RARRES1: variants seen among roughly 807,000 people sequenced by gnomAD.
RARRES1 encodes the protein retinoic acid receptor responder protein 1.
RARRES1 carries 34 observed loss-of-function variants against 30.6 expected under a neutral mutation model. That is an observed-to-expected ratio of 1.11 (90% CI 0.84 to 1.48). The LOEUF (loss-of-function observed/expected upper bound fraction) is 1.48, where lower values mean the gene tolerates loss of function less well. Ranked by LOEUF, RARRES1 falls within the 40% of genes most tolerant of loss-of-function variation. The pLI is 0.00. For missense variants in RARRES1, 373 were observed against 386.5 expected (o/e 0.97, Z 0.29); for synonymous variants, 153 against 155.5 (o/e 0.98, Z 0.12).
intron 1 of RARRES1, among the ~76,000 whole-genome samples, chr3:158,715,534 CAT>C (rs1416168648): frequency 6.6e-6 from 1 of 152,180 alleles, no homozygotes; most frequent in Admixed American, 6.5e-5. Context: ...TAACATTAAA[CAT>C]ATCCACAATA....
chr3:158,704,798 C>T lies in RARRES1; in HGVS notation c.665G>A (p.Arg222Lys). 2 of 1,612,380 alleles carry T rather than the reference C, an allele frequency of 1.2e-6. No homozygotes were observed. Among genetic ancestry groups the T allele is most frequent in the Non-Finnish European group, 1.7e-6 (2 of 1,179,454 alleles). Residue 222 changes from arginine to lysine, a missense_variant, in exon 4 of 6, where the codon AGG becomes AAG. Transcript: ENST00000237696. ...HYYLAQLTSVRQWKTNDDTID... is the reference protein window; with the variant it reads ...HYYLAQLTSVKQWKTNDDTID... ...TTTTCAGGTTTTTCTTACCCACTGC[C>T]TCACACTAGTGAGCTGTGCCAAGTA...
intron 1 of RARRES1, among the ~76,000 whole-genome samples, chr3:158,715,903 T>A (rs1460381878): frequency 6.6e-6 from 1 of 152,174 alleles, no homozygotes; most frequent in Non-Finnish European, 1.5e-5. Flanking sequence ...GGGCTGTGGC[T>A]TGCTGCCTCT....
chr3:158,717,813 A>C (rs1214697965), intron 1 of RARRES1, among the ~76,000 whole-genome samples: 1 of 152,024 alleles, frequency 6.6e-6, no homozygotes, highest in Non-Finnish European at 1.5e-5. Flanking sequence ...CATATGGTGG[A>C]CCAAGTATGC....
intron 4 of RARRES1, among the ~76,000 whole-genome samples, chr3:158,701,795 C>T (rs761352228): frequency 2.0e-5 from 3 of 152,144 alleles, no homozygotes; most frequent in African/African-American, 4.8e-5. Context: ...AGCTGAAATG[C>T]GTGTCAGCCT....
intron 3 of RARRES1, among the ~76,000 whole-genome samples, chr3:158,708,529 C>T (rs1257049067): frequency 6.6e-6 from 1 of 152,126 alleles, no homozygotes; most frequent in Non-Finnish European, 1.5e-5. Context: ...AACTTTCACT[C>T]ATAAAAAACA....
At chr3:158,727,799 T>A (rs928790995) in intron 1 of RARRES1, among the ~76,000 whole-genome samples, 1 of 152,204 alleles carries the variant, frequency 6.6e-6, no homozygotes, top group East Asian at 1.9e-4. Flanking sequence ...GTGGGGGCAG[T>A]GAGGGAACAC....
chr3:158,724,033 G>A (rs79422821), intron 1 of RARRES1, among the ~76,000 whole-genome samples: 3,290 of 152,348 alleles, frequency 0.022, 116 homozygotes, highest in African/African-American at 0.075. Context: ...CACATGGGCA[G>A]AGTGGAAAGA....
At position 158,732,292 on chromosome 3, in the gene RARRES1, C is replaced by T; in HGVS notation, c.124G>A (p.Asp42Asn). ...TGAGGCTGCCCAGGGTCGTCGGGGT[C>T]CCCGGACCCCGCGGGCGCCGCCACC... ...APVAAPAGSG[D>N]PDDPGQPQDA... The change falls in exon 1 of 6, where the codon GAC becomes AAC. Residue 42 changes from aspartate to asparagine, a missense_variant. Transcript: ENST00000237696. The T allele has an allele frequency of 7.4e-7, 1 of 1,343,448 alleles. No homozygotes were observed. The highest frequency in any genetic ancestry group is 9.5e-7 in the Non-Finnish European group (1 of 1,056,854). The allele number at this position is 1,343,448 out of a possible 1,614,324, so 83.2% of individuals were successfully genotyped here. A position where few individuals can be genotyped will look rare whatever the true frequency, so the allele number is the denominator to read the frequency against.
At chr3:158,731,624 C>A (rs1021016907) in intron 1 of RARRES1, among the ~76,000 whole-genome samples, 1 of 152,210 alleles carries the variant, frequency 6.6e-6, no homozygotes, top group East Asian at 1.9e-4. Flanking sequence ...CACATTACCC[C>A]GAAGCCCTAG....
intron 1 of RARRES1, among the ~76,000 whole-genome samples, chr3:158,730,678 C>T (rs1264489718): frequency 1.3e-5 from 2 of 152,108 alleles, no homozygotes; most frequent in Non-Finnish European, 2.9e-5. Flanking sequence ...TCTACAACTC[C>T]TGAGCTCAAG....
intron 1 of RARRES1, among the ~76,000 whole-genome samples, chr3:158,721,889 C>G (rs1158518665): frequency 6.6e-6 from 1 of 151,926 alleles, no homozygotes. Context: ...GTCGAGTGTT[C>G]GAGACCAGCC....
At chr3:158,729,497 C>G (rs925986043) in intron 1 of RARRES1, among the ~76,000 whole-genome samples, 14 of 152,006 alleles carry the variant, frequency 9.2e-5, no homozygotes, top group Admixed American at 7.9e-4. Context: ...GTTGCCCAGG[C>G]TGGAGTGCAG....
intron 1 of RARRES1, among the ~76,000 whole-genome samples, chr3:158,716,516 G>A (rs1727326701): frequency 6.6e-6 from 1 of 152,164 alleles, no homozygotes; most frequent in African/African-American, 2.4e-5. Flanking sequence ...CTCTGAGCTG[G>A]TGTGGAGTCT....
At chr3:158,714,995 G>T (rs1041851963) in intron 1 of RARRES1, among the ~76,000 whole-genome samples, 2 of 152,350 alleles carry the variant, frequency 1.3e-5, no homozygotes, top group South Asian at 4.1e-4. Flanking sequence ...GGTTATTTAT[G>T]TAGGGAATAT....
chr3:158,727,212 A>C (rs1727722788), intron 1 of RARRES1, among the ~76,000 whole-genome samples: 1 of 152,228 alleles, frequency 6.6e-6, no homozygotes, highest in African/African-American at 2.4e-5. Context: ...GACTGGAAGG[A>C]GCTCCAGTTA....
At chr3:158,718,238 A>C (rs1157590011) in intron 1 of RARRES1, among the ~76,000 whole-genome samples, 1 of 152,122 alleles carries the variant, frequency 6.6e-6, no homozygotes, top group East Asian at 1.9e-4. Flanking sequence ...TCGGCCTCCC[A>C]AAGTGCTGGG....
chr3:158,709,662 A>G (rs904978836), intron 3 of RARRES1, among the ~76,000 whole-genome samples: 10 of 152,222 alleles, frequency 6.6e-5, no homozygotes, highest in African/African-American at 2.2e-4. Context: ...CAGTGTTGAC[A>G]TGGGTTTGCC....
rs563389321 is a variant in RARRES1, at chr3:158,718,705, T to C, written c.277-4846A>G. On this transcript the variant is annotated intron_variant, in intron 1 of 5. Coordinates refer to ENST00000237696, the MANE Select transcript of RARRES1 (RefSeq NM_206963.2). ...GAAGAAACTGACTCATATAAGGATG[T>C]TCCCTGAGGCACCCTGTGGGGAGGT... is the stretch of plus-strand genomic sequence containing the variant. Among the ~76,000 whole-genome samples the C allele has an allele frequency of 2.0e-5, 3 of 152,320 alleles. No homozygotes were observed. The East Asian group carries it at 5.8e-4, about 29-fold the overall frequency.
chr3:158,707,649 G>A (rs1401695925), intron 3 of RARRES1, among the ~76,000 whole-genome samples: 1 of 152,202 alleles, frequency 6.6e-6, no homozygotes, highest in African/African-American at 2.4e-5. Flanking sequence ...ATGAGGCTGG[G>A]ATGTGGGCCT....
Sources: allele counts gnomAD v4.1 joint callset (sites outside exome capture counted in the v4.1 genomes callset), GRCh38; gene constraint gnomAD v4.1.1; transcripts MANE v1.5; gene names NCBI Gene and HGNC (gene_info 2026-07-23, HGNC 2026-07-21).